AEBP1: variants seen among roughly 807,000 people sequenced by gnomAD.
AEBP1 encodes AE binding protein 1.
A neutral mutation model predicts 116.5 loss-of-function variants in AEBP1; 69 were observed. The observed-to-expected ratio is 0.59, with a 90% confidence interval of 0.49 to 0.72. The LOEUF is 0.72. Among genes scored for constraint, AEBP1 ranks in the 30% least tolerant of loss-of-function variants. The pLI, the probability that AEBP1 is intolerant of heterozygous loss-of-function variation, is 0.00. For missense variants in AEBP1, 1,444 were observed against 1,557.5 expected, an observed-to-expected ratio of 0.93 and a Z score of 1.23; for synonymous variants, 627 against 627.3, an observed-to-expected ratio of 1.00 and a Z score of 0.01.
chr7:44,112,743 C>T lies in AEBP1; in HGVS notation c.2403C>T (p.Ser801=), dbSNP rs771073892. Residue 801 remains serine, a synonymous_variant, in exon 18 of 21, where the codon TCC becomes TCT. Coordinates refer to ENST00000223357, the MANE Select transcript of AEBP1 (RefSeq NM_001129.5). The surrounding 1 kb of genome is among the most constrained non-coding windows in gnomAD (Gnocchi z 6.6). The stretch of plus-strand genomic sequence containing the variant: ...GGGGGGAGGATGAGGACGAGGTCTC[C>T]GAGGCCCAGGAGACTCCAGACCACG... ...AARGEDEDEV[S]EAQETPDHAI... 1.7e-5 allele frequency: 27 copies of T among 1,613,028 alleles called. No individual in the cohort carries two copies. Among genetic ancestry groups the T allele is most frequent in the Non-Finnish European group, 1.9e-5 (22 of 1,179,966 alleles).
chr7:44,108,946 C>T lies in AEBP1; in HGVS notation c.988C>T (p.Arg330Cys), dbSNP rs778024565. 6.2e-6 allele frequency: 10 copies of T among 1,601,902 alleles called. No homozygotes were observed. Among genetic ancestry groups the T allele is most frequent in the African/African-American group, 2.7e-5 (2 of 74,612 alleles). ...TCCGCCCCAGAAGCCCGATGCTGAG[C>T]GCCAGACAGACGAAGAGAAGGAGGA... ...PPPPQKPDAE[R>C]QTDEEKEELK... Residue 330 changes from arginine to cysteine, a missense_variant, in exon 7 of 21, where the codon CGC (arginine) becomes TGC (cysteine). By Grantham distance (180) the Arg-to-Cys change is radical (BLOSUM62 -3). Transcript: ENST00000223357. This position sits in a 1 kb window ranked among gnomAD's most constrained non-coding sequence, Gnocchi z 5.0.
intron 1 of AEBP1, 80 bp from the exon 2 acceptor site, chr7:44,106,466 G>A: frequency 1.4e-6 from 2 of 1,383,022 alleles, no homozygotes; most frequent in South Asian, 2.8e-5. Context: ...CTGTGCCCAG[G>A]TTCTGGGCAT....
rs2096224255 is a variant in AEBP1 at position 44,107,574 on chromosome 7, C to T, written c.668-55C>T. 3 of 1,613,206 alleles carry T rather than the reference C, an allele frequency of 1.9e-6. No homozygotes were observed. The highest frequency in any genetic ancestry group is 1.3e-5 in the African/African-American group (1 of 75,026). ...CCCTGGCTGGTTGGACTGAGGGCTTCCCCAGAGTAGGCCTGGGTGGGGTTG... is the reference window on the plus strand; with the variant it reads ...CCCTGGCTGGTTGGACTGAGGGCTTTCCCAGAGTAGGCCTGGGTGGGGTTG... On this transcript the variant is annotated intron_variant, in intron 3 of 20. Transcript: ENST00000223357. The surrounding 1 kb of genome is among the most constrained non-coding windows in gnomAD (Gnocchi z 4.3).
Position 44,110,363 on chromosome 7 carries a change from A to G in AEBP1, c.1400+17A>G, listed in dbSNP as rs2096227929. On this transcript the variant is annotated intron_variant, in intron 11 of 20. Coordinates refer to ENST00000223357, the MANE Select transcript of AEBP1 (RefSeq NM_001129.5). ...CAGCATCCAGTGCGTGGCCAGGCTC[A>G]TGGATAGTTGGCAGAGGGGAGTGGC... 6 of 1,613,208 alleles carry G rather than the reference A, an allele frequency of 3.7e-6. No homozygotes were observed. Among genetic ancestry groups the G allele is most frequent in the Non-Finnish European group, 5.1e-6 (6 of 1,179,818 alleles).
In AEBP1 at chr7:44,112,612, C is replaced by T. The variant is rs1562688574; in HGVS notation, c.2272C>T (p.Leu758=). ...CTGGATGGAGAAGAACCCCTTCGTGCTGGGAGCAAATCTGAACGGCGGCGA... is the reference window on the plus strand; with the variant it reads ...CTGGATGGAGAAGAACCCCTTCGTGTTGGGAGCAAATCTGAACGGCGGCGA... ...IAWMEKNPFV[L]GANLNGGERL... is the part of the protein sequence containing the mutation. Residue 758 remains leucine (L), a synonymous_variant, in exon 18 of 21, where the codon CTG becomes TTG. Coordinates refer to ENST00000223357, the MANE Select transcript of AEBP1 (RefSeq NM_001129.5). The surrounding 1 kb of genome is among the most constrained non-coding windows in gnomAD (Gnocchi z 6.6). 1 of 1,608,570 alleles carries T rather than the reference C, an allele frequency of 6.2e-7. No homozygotes were observed.
chr7:44,110,891 T>C, intron 12 of AEBP1, 22 bp from the exon 13 acceptor site: 1 of 1,613,726 alleles, frequency 6.2e-7, no homozygotes, highest in Non-Finnish European at 8.5e-7. Flanking sequence ...GCAGTACTGC[T>C]CTGAGGCCTG....
chr7:44,114,104 C>T lies in AEBP1; in HGVS notation c.3320C>T (p.Pro1107Leu), dbSNP rs1438525745. The change falls in exon 21 of 21, where the codon CCC becomes CTC. Residue 1107 changes from proline (P) to leucine (L), a missense_variant. By Grantham distance (98) the Pro-to-Leu change is moderately conservative. Transcript: ENST00000223357. Reference protein sequence around the residue: ...VEPEFGTKVEPEFETQLEPEF... With the variant: ...VEPEFGTKVELEFETQLEPEF... ...CCCGAGTTTGGGACCAAGGTGGAGCCCGAGTTTGAGACCCAGTTGGAGCCT... is the reference window on the plus strand; with the variant it reads ...CCCGAGTTTGGGACCAAGGTGGAGCTCGAGTTTGAGACCCAGTTGGAGCCT... 5 of 1,613,734 alleles carry T rather than the reference C, an allele frequency of 3.1e-6. No homozygotes were observed. In the South Asian group the frequency reaches 4.4e-5, roughly 14 times the overall value.
At chr7:44,109,737 TCC>T (rs2096226878) in intron 9 of AEBP1, 6 of 570,730 alleles carry the variant, frequency 1.1e-5, no homozygotes, top group Non-Finnish European at 1.3e-5. Flanking sequence ...TTCACGTGTG[TCC>T]CCTGAGAGCT....
Position 44,108,809 on chromosome 7 carries a change from C to T in AEBP1, c.941-90C>T, listed in dbSNP as rs1020606479. The T allele has an allele frequency of 7.7e-5, 93 of 1,206,860 alleles. No individual in the cohort carries two copies. The highest frequency in any genetic ancestry group is 1.0e-4 in the Non-Finnish European group (84 of 842,482). The allele number at this position is 1,206,860 out of a possible 1,614,324, so 74.8% of individuals were successfully genotyped here. On this transcript the variant is annotated intron_variant, in intron 6 of 20. Coordinates refer to ENST00000223357, the MANE Select transcript of AEBP1 (RefSeq NM_001129.5). This position sits in a 1 kb window ranked among gnomAD's most constrained non-coding sequence, Gnocchi z 5.0. ...TCTCCCGTCCTCCTCCCCTCTGGCG[C>T]GGTCCTGTCCTGCTGAGCTCCTGTG...
rs777461260 is a variant in AEBP1, at chr7:44,104,878, G to A, written c.213G>A (p.Ala71=). ...CCCCGCGGGTCCGAAAAGCCCAGGCGGGGGGCAAGCCAGGGAAGCGGCCAG... is the reference window on the plus strand; with the variant it reads ...CCCCGCGGGTCCGAAAAGCCCAGGCAGGGGGCAAGCCAGGGAAGCGGCCAG... The part of the protein sequence containing the change: ...EPTPRVRKAQ[A]GGKPGKRPGT... Residue 71 remains alanine (A), a synonymous_variant, in exon 1 of 21, where the codon GCG becomes GCA. Coordinates refer to ENST00000223357, the MANE Select transcript of AEBP1 (RefSeq NM_001129.5). 5 of 1,560,314 alleles carry A rather than the reference G, an allele frequency of 3.2e-6. No individual in the cohort carries two copies. The South Asian group carries it at 4.7e-5, about 15-fold the overall frequency.
At position 44,111,815 on chromosome 7, in the gene AEBP1, C is replaced by T. The variant is rs777140477; in HGVS notation, c.1841-39C>T. ...GTCCTTCCTCAGCTGCCCTGGGCCTCGGGAGACTGAGTGCTCACTGAGGCT... is the reference window on the plus strand; with the variant it reads ...GTCCTTCCTCAGCTGCCCTGGGCCTTGGGAGACTGAGTGCTCACTGAGGCT... On this transcript the variant is annotated intron_variant, in intron 15 of 20. Transcript: ENST00000223357. This position sits in a 1 kb window ranked among gnomAD's most constrained non-coding sequence, Gnocchi z 4.7. 7.5e-6 allele frequency: 12 copies of T among 1,591,874 alleles called. No individual in the cohort carries two copies. The highest frequency in any genetic ancestry group is 2.3e-5 in the East Asian group (1 of 43,830).
chr7:44,111,925 C>T lies in AEBP1; in HGVS notation c.1912C>T (p.Leu638Phe), dbSNP rs1171586124. The change falls in exon 16 of 21, where the codon CTC becomes TTC. Residue 638 changes from leucine (L) to phenylalanine (F), a missense_variant. Transcript: ENST00000223357. This position sits in a 1 kb window ranked among gnomAD's most constrained non-coding sequence, Gnocchi z 4.7. ...GCTGGGCCGAGAGCTGTTGCTGCTG[C>T]TCATGCAGTACCTGTGCCGAGAGTA... ...EVLGRELLLLLMQYLCREYRD... is the reference protein window; with the variant it reads ...EVLGRELLLLFMQYLCREYRD... 6.2e-7 allele frequency: 1 copy of T among 1,613,856 alleles called. No homozygotes were observed. Among genetic ancestry groups the T allele is most frequent in the Non-Finnish European group, 8.5e-7 (1 of 1,180,022 alleles).
In AEBP1 at chr7:44,109,627, C is replaced by T. The variant is rs2096226762; in HGVS notation, c.1150+286C>T. 12 of 582,212 alleles carry T rather than the reference C, an allele frequency of 2.1e-5. No individual in the cohort carries two copies. The East Asian group carries it at 3.5e-4, about 17-fold the overall frequency. 36.1% of individuals were successfully genotyped at this position (582,212 alleles called of 1,614,324 possible). A position where few individuals can be genotyped will look rare whatever the true frequency, so the allele number is the denominator to read the frequency against. ...CTGGGGCCTTGGTGGGGAGTGAGGA[C>T]CTCAGGTACCTTCACAGGTATCCCT... is the stretch of plus-strand genomic sequence containing the variant. On this transcript the variant is annotated intron_variant, in intron 9 of 20. Coordinates refer to ENST00000223357, the MANE Select transcript of AEBP1 (RefSeq NM_001129.5).
In AEBP1 at chr7:44,114,261, A is replaced by T; in HGVS notation, c.3477A>T (p.Ter1159CysextTer54). The T allele has an allele frequency of 6.2e-7, 1 of 1,613,352 alleles. No individual in the cohort carries two copies. Among genetic ancestry groups the T allele is most frequent in the Non-Finnish European group, 8.5e-7 (1 of 1,179,360 alleles). Residue 1159 changes from the stop codon to cysteine (C), a stop_lost, in exon 21 of 21, where the codon TGA (stop) becomes TGT (cysteine). Coordinates refer to ENST00000223357, the MANE Select transcript of AEBP1 (RefSeq NM_001129.5). ...ETYTVNFGDF* is the reference protein window; with the variant it reads ...ETYTVNFGDFC ...ACACAGTGAACTTTGGGGACTTCTG[A>T]GATCAGCGTCCTACCAAGACCCCAG...
rs2128809483 is a variant in AEBP1, at chr7:44,113,694, CTA to C, written c.2912_2913del (p.Tyr971Ter). On this transcript the variant is annotated frameshift_variant, in exon 21 of 21. Coordinates refer to ENST00000223357, the MANE Select transcript of AEBP1 (RefSeq NM_001129.5). LOFTEE classifies it low-confidence loss of function (END_TRUNC). The surrounding 1 kb of genome is among the most constrained non-coding windows in gnomAD (Gnocchi z 5.3). ...CGAGCGCCAAGACCTGCAATGTTGA[CTA>C]TGACATCGGGGCCACTCAGTGCAAC... ...TPSAKTCNVD[Y>X]DIGATQCNFI... The C allele has an allele frequency of 3.1e-6, 5 of 1,614,078 alleles. No homozygotes were observed. The highest frequency in any genetic ancestry group is 4.2e-6 in the Non-Finnish European group (5 of 1,179,988).
rs1470915784 is a variant in AEBP1, at chr7:44,108,889, C to A, written c.941-10C>A. 1.3e-6 allele frequency: 2 copies of A among 1,568,418 alleles called. No homozygotes were observed. The highest frequency in any genetic ancestry group is 1.9e-5 in the Admixed American group (1 of 53,216). On this transcript the variant is annotated splice_polypyrimidine_tract_variant and intron_variant, in intron 6 of 20. Transcript: ENST00000223357. This position sits in a 1 kb window ranked among gnomAD's most constrained non-coding sequence, Gnocchi z 5.0. ...TCAGGGCAGCCTCAGCTGGCTCTCC[C>A]TCCCCATAGTGGACTATTACTTTGG...
intron 1 of AEBP1, 134 bp from the exon 2 acceptor site, chr7:44,106,412 A>T: frequency 9.7e-7 from 1 of 1,026,018 alleles, no homozygotes; most frequent in Non-Finnish European, 1.5e-6. Flanking sequence ...CAAATGACTT[A>T]ACCTCTCAGT....
chr7:44,106,119 G>C, intron 1 of AEBP1: 1 of 462,950 alleles, frequency 2.2e-6, no homozygotes, highest in South Asian at 1.6e-5. Context: ...AAGGTCTTGG[G>C]CCCATGTCCC....
Position 44,112,721 on chromosome 7 carries a change from G to A in AEBP1, c.2381G>A (p.Gly794Glu), listed in dbSNP as rs2096231007. 1.9e-6 allele frequency: 3 copies of A among 1,613,278 alleles called. No homozygotes were observed. Among genetic ancestry groups the A allele is most frequent in the Non-Finnish European group, 2.5e-6 (3 of 1,179,986 alleles). ...GCCGCAGCCATGGCAGCAGCCCGGG[G>A]GGAGGATGAGGACGAGGTCTCCGAG... ...LLAAAMAAAR[G>E]EDEDEVSEAQ... The change falls in exon 18 of 21, where the codon GGG becomes GAG. Residue 794 changes from glycine to glutamate, a missense_variant. Coordinates refer to ENST00000223357, the MANE Select transcript of AEBP1 (RefSeq NM_001129.5). This position sits in a 1 kb window ranked among gnomAD's most constrained non-coding sequence, Gnocchi z 6.6.
Sources: gnomAD v4.1 joint callset for allele counts on GRCh38, gnomAD v4.1.1 for gene constraint, Gnocchi (gnomAD v3.1) non-coding constraint, MANE v1.5 for transcripts, NCBI Gene and HGNC (gene_info 2026-07-23, HGNC 2026-07-21) for gene names.